The following EZH2 variants were observed in gnomAD, a reference collection of about 807,000 sequenced individuals.
The protein encoded by EZH2 is histone-lysine N-methyltransferase EZH2.
Under a neutral mutation model 98.4 loss-of-function variants are expected in EZH2, and 18 were observed. The observed-to-expected ratio is 0.18, with a 90% CI of 0.13 to 0.27. The LOEUF (loss-of-function observed/expected upper bound fraction) is 0.27. Ranked by LOEUF, EZH2 falls within the 10% of genes least tolerant of loss-of-function variation. The probability of loss-of-function intolerance (pLI) is 1.00; values close to 1 mark genes in which losing one functional copy is unlikely to be tolerated. For synonymous variants in EZH2, 338 were observed against 312.3 expected (o/e 1.08, Z -0.87); for missense variants, 470 against 935.1 (o/e 0.50, Z 6.49).
chr7:148,847,096 A>AT lies in EZH2; in HGVS notation c.117+85dup, dbSNP rs547380745. The AT allele has an allele frequency of 6.5e-4, 956 of 1,473,500 alleles. 3 individuals carry two copies. In the African/African-American group the frequency reaches 0.012, roughly 18 times the overall value. 91.3% of individuals were successfully genotyped at this position (1,473,500 alleles called of 1,614,324 possible). On this transcript the variant is annotated intron_variant, in intron 2 of 19. Coordinates refer to ENST00000320356, the MANE Select transcript of EZH2 (RefSeq NM_004456.5). The stretch of plus-strand genomic sequence containing the variant: ...TGTAAATACAAACTTGGCTAGAATT[A>AT]TTTTAAATAAAAACTTATTGAACTT...
intron 15 of EZH2, among the ~76,000 whole-genome samples, chr7:148,813,504 T>C (rs1803741885): frequency 6.6e-6 from 1 of 151,874 alleles, no homozygotes; most frequent in Admixed American, 6.6e-5. Flanking sequence ...AGGAAGTAAG[T>C]CTATAAAAAC....
chr7:148,821,191 T>C (rs539018573), intron 8 of EZH2: 2 of 151,130 alleles, frequency 1.3e-5, no homozygotes, highest in South Asian at 2.1e-4. Flanking sequence ...ACAGACAGTA[T>C]AATTACACAG....
Position 148,852,849 on chromosome 7 carries a change from A to G in EZH2, c.-7-5544T>C, listed in dbSNP as rs543860216. Among the ~76,000 whole-genome samples the G allele has an allele frequency of 5.3e-5, 8 of 152,236 alleles. No homozygotes were observed. In the South Asian group the frequency reaches 1.2e-3, roughly 24 times the overall value. The stretch of plus-strand genomic sequence containing the variant: ...TATCTCAGATACGTATTTATTACTG[A>G]GACCATATATACAGTTGTTCCTCCA... On this transcript the variant is annotated intron_variant, in intron 1 of 19. Coordinates refer to ENST00000320356, the MANE Select transcript of EZH2 (RefSeq NM_004456.5).
chr7:148,835,293 C>T (rs989646449), intron 3 of EZH2, among the ~76,000 whole-genome samples: 1 of 151,930 alleles, frequency 6.6e-6, no homozygotes, highest in African/African-American at 2.4e-5. Context: ...CAAGGTAGCA[C>T]GTGCCTGTAG....
chr7:148,837,906 A>G (rs1228187526), intron 3 of EZH2, among the ~76,000 whole-genome samples: 1 of 152,172 alleles, frequency 6.6e-6, no homozygotes, highest in East Asian at 1.9e-4. Flanking sequence ...CCAATTCCAC[A>G]TTGGGTGAAG....
chr7:148,854,887 T>C (rs889414925), intron 1 of EZH2, among the ~76,000 whole-genome samples: 2 of 152,256 alleles, frequency 1.3e-5, no homozygotes, highest in African/African-American at 4.8e-5. Context: ...AAATGAGATT[T>C]TGTAGGTAAG....
At chr7:148,847,830 T>C (rs937955380) in intron 1 of EZH2, among the ~76,000 whole-genome samples, 1 of 152,218 alleles carries the variant, frequency 6.6e-6, no homozygotes, top group African/African-American at 2.4e-5. Flanking sequence ...CACTTAATCA[T>C]GCACCTCTCC....
At chr7:148,814,313 G>A (rs1803965160) in intron 14 of EZH2, among the ~76,000 whole-genome samples, 176 bp from the exon 15 acceptor site, 1 of 152,066 alleles carries the variant, frequency 6.6e-6, no homozygotes, top group Non-Finnish European at 1.5e-5. Context: ...ATAGCTGTTT[G>A]CACTGAAAAA....
At chr7:148,852,432 T>G (rs1406355584) in intron 1 of EZH2, among the ~76,000 whole-genome samples, 1 of 152,192 alleles carries the variant, frequency 6.6e-6, no homozygotes, top group Non-Finnish European at 1.5e-5. Flanking sequence ...CCAAGTACAC[T>G]GGAGGAAGCT....
At chr7:148,844,322 A>G (rs2129484261) in intron 3 of EZH2, among the ~76,000 whole-genome samples, 1 of 152,340 alleles carries the variant, frequency 6.6e-6, no homozygotes, top group Non-Finnish European at 1.5e-5. Flanking sequence ...TTTTAGCCCT[A>G]AAGCTTTACG....
At chr7:148,815,099 CA>C in intron 13 of EZH2, 60 bp from the exon 14 acceptor site, 1 of 1,580,574 alleles carries the variant, frequency 6.3e-7, no homozygotes, top group Non-Finnish European at 8.6e-7. Flanking sequence ...CGATCATACA[CA>C]ATTAACACGA....
chr7:148,860,069 G>T (rs1817443296), intron 1 of EZH2, among the ~76,000 whole-genome samples: 2 of 152,096 alleles, frequency 1.3e-5, no homozygotes, highest in Non-Finnish European at 2.9e-5. Flanking sequence ...CTCTAACATT[G>T]ACTATTTGGT....
chr7:148,873,797 A>G (rs1819802613), intron 1 of EZH2, among the ~76,000 whole-genome samples: 1 of 151,970 alleles, frequency 6.6e-6, no homozygotes. Context: ...ATATACAAAA[A>G]CCTTTTTCTA....
In EZH2 at chr7:148,807,516, AATT is replaced by A; in HGVS notation, c.*127_*129del. On this transcript the variant is annotated 3_prime_UTR_variant, in exon 20 of 20. Coordinates refer to ENST00000320356, the MANE Select transcript of EZH2 (RefSeq NM_004456.5). ...GTTGATTTTTAAACTCATTACTATA[AATT>A]ATTCTTACAGTACTTTGCAAATTCA... 1 of 746,490 alleles carries A rather than the reference AATT, an allele frequency of 1.3e-6. No individual in the cohort carries two copies. Among genetic ancestry groups the A allele is most frequent in the Non-Finnish European group, 2.3e-6 (1 of 441,166 alleles). The allele number at this position is 746,490 out of a possible 1,614,324, so 46.2% of individuals were successfully genotyped here.
intron 3 of EZH2, among the ~76,000 whole-genome samples, chr7:148,840,687 C>A (rs1453045961): frequency 6.6e-6 from 1 of 152,108 alleles, no homozygotes; most frequent in Non-Finnish European, 1.5e-5. Context: ...ATCTGCCCAG[C>A]CTTTCCAAAA....
chr7:148,878,877 T>TGACA (rs1255041518), intron 1 of EZH2, among the ~76,000 whole-genome samples: 1 of 133,210 alleles, frequency 7.5e-6, no homozygotes, highest in Non-Finnish European at 1.6e-5. Context: ...CCAGCCTGGG[T>TGACA]GACAACAAGA....
At chr7:148,834,575 A>G (rs985087865) in intron 3 of EZH2, among the ~76,000 whole-genome samples, 1 of 152,192 alleles carries the variant, frequency 6.6e-6, no homozygotes, top group Admixed American at 6.5e-5. Context: ...TAGTGGAAGT[A>G]AAGGTTTAAG....
At chr7:148,863,083 C>CAAA (rs11295626) in intron 1 of EZH2, among the ~76,000 whole-genome samples, 3 of 117,362 alleles carry the variant, frequency 2.6e-5, no homozygotes, top group Non-Finnish European at 5.4e-5. Flanking sequence ...GACCCTGTCT[C>CAAA]AAAAAAAAAA....
At chr7:148,884,026 A>G (rs1231275587) in intron 1 of EZH2, 138 bp downstream of exon 1, 1 of 150,050 alleles carries the variant, frequency 6.7e-6, no homozygotes, top group Non-Finnish European at 1.5e-5. Flanking sequence ...ACGCCTACAA[A>G]CGCGGCGCCC....
Sources: gnomAD v4.1 joint callset for allele counts (sites outside exome capture counted in the v4.1 genomes callset) on GRCh38, gnomAD v4.1.1 for gene constraint, MANE v1.5 for transcripts, NCBI Gene and HGNC (gene_info 2026-07-23, HGNC 2026-07-21) for gene names.